Variants in TENM2 observed in about 807,000 individuals in gnomAD.
The protein encoded by TENM2 is teneurin transmembrane protein 2, also known as teneurin-2.
Under a neutral mutation model 245.2 loss-of-function variants are expected in TENM2, and 52 were observed. The ratio of observed to expected loss-of-function variants is 0.21; its 90% confidence interval spans 0.17 to 0.27. The LOEUF is 0.27. Ranked by LOEUF, TENM2 falls within the 10% of genes least tolerant of loss-of-function variation. The pLI is 1.00. For synonymous variants in TENM2, 1,363 were observed against 1,438.9 expected (o/e 0.95, Z 1.19); for missense variants, 3,046 against 3,666.8 (o/e 0.83, Z 4.37).
At chr5:168,076,716 G>A (rs1043215249) in intron 7 of TENM2, among the ~76,000 whole-genome samples, 1 of 152,162 alleles carries the variant, frequency 6.6e-6, no homozygotes, top group Non-Finnish European at 1.5e-5. Context: ...ACATTCATTT[G>A]CCCTTGCAAC....
At chr5:167,821,593 G>A (rs986408162) in intron 2 of TENM2, among the ~76,000 whole-genome samples, 2 of 152,178 alleles carry the variant, frequency 1.3e-5, no homozygotes, top group Admixed American at 1.3e-4. Flanking sequence ...TAGTTCCATC[G>A]TGGGAAAAGA....
intron 7 of TENM2, among the ~76,000 whole-genome samples, chr5:168,074,823 A>T (rs558407780): frequency 2.0e-5 from 3 of 152,316 alleles, no homozygotes; most frequent in African/African-American, 7.2e-5. Context: ...ATGCCTCCAT[A>T]AGCCCTTTCC....
the TENM2 span, among the ~76,000 whole-genome samples, chr5:167,206,010 A>C: frequency 6.6e-6 from 1 of 152,228 alleles, no homozygotes; most frequent in Non-Finnish European, 1.5e-5. Context: ...GAAACGCAGG[A>C]TAATCTCCCA....
chr5:167,318,614 A>T (rs1455740958), intron 1 of TENM2, among the ~76,000 whole-genome samples: 1 of 152,180 alleles, frequency 6.6e-6, no homozygotes. Flanking sequence ...CTATCAAAAT[A>T]GGGCCTTACT....
intron 2 of TENM2, among the ~76,000 whole-genome samples, chr5:167,459,697 T>G (rs1453423549): frequency 1.3e-5 from 2 of 152,216 alleles, no homozygotes; most frequent in Non-Finnish European, 2.9e-5. Flanking sequence ...TTATTTAAAA[T>G]TTTCTTTAAA....
chr5:167,633,229 C>T (rs935116118), intron 2 of TENM2, among the ~76,000 whole-genome samples: 3 of 152,114 alleles, frequency 2.0e-5, no homozygotes, highest in Admixed American at 1.3e-4. Context: ...TGAGGAGGTT[C>T]GCTAAGTAAC....
Position 168,211,773 on chromosome 5 carries a change from T to C in TENM2, c.3845+19T>C. 1 of 1,334,420 alleles carries C rather than the reference T, an allele frequency of 7.5e-7. No homozygotes were observed. The highest frequency in any genetic ancestry group is 1.0e-6 in the Non-Finnish European group (1 of 969,394). 82.7% of individuals were successfully genotyped at this position (1,334,420 alleles called of 1,614,324 possible). A position where few individuals can be genotyped will look rare whatever the true frequency, so the allele number is the denominator to read the frequency against. ...AACATAGGTAAGATGAAGAACTCTTTCCCATATAATTTGATATGGTTCGTT... is the reference window on the plus strand; with the variant it reads ...AACATAGGTAAGATGAAGAACTCTTCCCCATATAATTTGATATGGTTCGTT... On this transcript the variant is annotated intron_variant, in intron 20 of 28. Transcript: ENST00000518659.
intron 2 of TENM2, among the ~76,000 whole-genome samples, chr5:167,554,928 G>C (rs980046482): frequency 6.6e-6 from 1 of 152,086 alleles, no homozygotes; most frequent in Non-Finnish European, 1.5e-5. Flanking sequence ...TGCTTGGGGG[G>C]AGTGTGAGTA....
intron 2 of TENM2, among the ~76,000 whole-genome samples, chr5:167,720,216 A>G (rs1463409184): frequency 6.6e-6 from 1 of 152,242 alleles, no homozygotes. Context: ...AGTTTTTGAT[A>G]GAATATTACT....
chr5:167,435,180 A>G (rs191156183), intron 2 of TENM2, among the ~76,000 whole-genome samples: 1 of 152,324 alleles, frequency 6.6e-6, no homozygotes. Context: ...ATGTAATCAG[A>G]GAGATCTGGA....
chr5:167,492,778 A>T (rs1768517212), intron 2 of TENM2, among the ~76,000 whole-genome samples: 1 of 152,124 alleles, frequency 6.6e-6, no homozygotes, highest in Admixed American at 6.5e-5. Context: ...GGTTACATGT[A>T]TCTTGTGCCA....
At chr5:168,144,159 T>C (rs1006750797) in intron 12 of TENM2, among the ~76,000 whole-genome samples, 1 of 152,032 alleles carries the variant, frequency 6.6e-6, no homozygotes, top group Non-Finnish European at 1.5e-5. Flanking sequence ...GCGCCCAGCC[T>C]ACTATACTTC....
At chr5:167,511,095 A>G (rs941564684) in intron 2 of TENM2, among the ~76,000 whole-genome samples, 25 of 152,186 alleles carry the variant, frequency 1.6e-4, no homozygotes, top group African/African-American at 4.1e-4. Flanking sequence ...CATACCTTCT[A>G]TACATAAAGC....
chr5:168,095,445 A>G (rs916655818), intron 8 of TENM2, among the ~76,000 whole-genome samples: 1 of 152,202 alleles, frequency 6.6e-6, no homozygotes, highest in Non-Finnish European at 1.5e-5. Flanking sequence ...GTTTCAGCTT[A>G]TCCTTCAGAG....
chr5:167,632,895 G>A (rs1198063748), intron 2 of TENM2, among the ~76,000 whole-genome samples: 1 of 152,118 alleles, frequency 6.6e-6, no homozygotes. Context: ...ATGTTTTATT[G>A]CTTTAAAGTG....
At chr5:168,180,483 A>T (rs2152489618) in intron 13 of TENM2, among the ~76,000 whole-genome samples, 1 of 152,268 alleles carries the variant, frequency 6.6e-6, no homozygotes, top group East Asian at 1.9e-4. Context: ...GTTTGGAAAA[A>T]CTGTTGTAGC....
intron 2 of TENM2, among the ~76,000 whole-genome samples, chr5:167,658,003 A>G (rs1025482632): frequency 2.0e-4 from 31 of 152,328 alleles, no homozygotes; most frequent in African/African-American, 6.3e-4. Flanking sequence ...GTTGCCATAG[A>G]AAGTGTTATT....
chr5:167,059,367 A>G, the TENM2 span, among the ~76,000 whole-genome samples: 1 of 152,180 alleles, frequency 6.6e-6, no homozygotes. Flanking sequence ...TAATGTTCCT[A>G]TTCACCCATA....
intron 2 of TENM2, among the ~76,000 whole-genome samples, chr5:167,758,007 T>C (rs1762420453): frequency 6.6e-6 from 1 of 152,202 alleles, no homozygotes; most frequent in South Asian, 2.1e-4. Flanking sequence ...ACAGTTTGCC[T>C]TCATGCATCT....
Sources: gnomAD v4.1 joint callset for allele counts (sites outside exome capture counted in the v4.1 genomes callset) on GRCh38, gnomAD v4.1.1 for gene constraint, MANE v1.5 for transcripts, NCBI Gene and HGNC (gene_info 2026-07-23, HGNC 2026-07-21) for gene names.